The following GRIP1 variants were observed in gnomAD, a reference collection of about 807,000 sequenced individuals.
The protein encoded by GRIP1 is glutamate receptor interacting protein 1.
Under a neutral mutation model 129.9 loss-of-function variants are expected in GRIP1, and 45 were observed. The ratio of observed to expected loss-of-function variants is 0.35; its 90% CI spans 0.27 to 0.44. The LOEUF (loss-of-function observed/expected upper bound fraction) is 0.44, where lower values mean the gene tolerates loss of function less well. GRIP1 is among the 20% of genes least tolerant of loss of function. The probability of loss-of-function intolerance (pLI) is 1.00; values close to 1 mark genes in which losing one functional copy is unlikely to be tolerated. For synonymous variants in GRIP1, 530 were observed against 520.8 expected (o/e 1.02, Z -0.24); for missense variants, 1,196 against 1,396.8 (o/e 0.86, Z 2.29).
intron 7 of GRIP1, among the ~76,000 whole-genome samples, chr12:66,489,160 T>A (rs1156852564): frequency 1.3e-5 from 2 of 152,054 alleles, no homozygotes; most frequent in Non-Finnish European, 2.9e-5. Flanking sequence ...CCGGCAGGGA[T>A]ACAACAAGAA....
At chr12:66,587,381 C>T (rs1015319890) in intron 2 of GRIP1, among the ~76,000 whole-genome samples, 3 of 152,212 alleles carry the variant, frequency 2.0e-5, no homozygotes, top group African/African-American at 4.8e-5. Flanking sequence ...AGCATGGACC[C>T]CATAACTTTC....
intron 7 of GRIP1, among the ~76,000 whole-genome samples, chr12:66,486,599 C>T (rs2138624142): frequency 6.6e-6 from 1 of 152,198 alleles, no homozygotes; most frequent in East Asian, 1.9e-4. Context: ...TCTCTCTTTG[C>T]CTGTTGCCAT....
At chr12:66,423,643 G>A (rs1437714719) in intron 14 of GRIP1, among the ~76,000 whole-genome samples, 2 of 152,186 alleles carry the variant, frequency 1.3e-5, no homozygotes, top group African/African-American at 2.4e-5. Flanking sequence ...TCTGGGCACT[G>A]GCTATGAACC....
intron 19 of GRIP1, among the ~76,000 whole-genome samples, chr12:66,384,945 G>C (rs572227328): frequency 1.3e-5 from 2 of 152,330 alleles, no homozygotes; most frequent in African/African-American, 2.4e-5. Flanking sequence ...AATATCTGAG[G>C]AAAATTATGT....
chr12:66,767,456 T>A (rs1462262123), intron 1 of GRIP1, among the ~76,000 whole-genome samples: 1 of 152,066 alleles, frequency 6.6e-6, no homozygotes, highest in South Asian at 2.1e-4. Context: ...AACTGAAAGG[T>A]CTGAGACAGG....
chr12:66,909,989 A>G (rs959656311), intron 1 of GRIP1, among the ~76,000 whole-genome samples: 2 of 152,202 alleles, frequency 1.3e-5, no homozygotes, highest in East Asian at 1.9e-4. Context: ...ATTATAATCA[A>G]TCACAATACT....
At chr12:66,468,532 A>G (rs2059348721) in intron 7 of GRIP1, among the ~76,000 whole-genome samples, 2 of 152,298 alleles carry the variant, frequency 1.3e-5, no homozygotes, top group South Asian at 2.1e-4. Context: ...GCAGATGTAA[A>G]TTTTATAAAA....
intron 23 of GRIP1, among the ~76,000 whole-genome samples, chr12:66,363,360 C>T (rs1036384527): frequency 6.7e-6 from 1 of 149,458 alleles, no homozygotes; most frequent in Non-Finnish European, 1.5e-5. Context: ...CTTCCCACCT[C>T]AGCCTCCTTA....
intron 15 of GRIP1, among the ~76,000 whole-genome samples, chr12:66,418,146 G>A (rs2057675807): frequency 6.6e-6 from 1 of 152,010 alleles, no homozygotes; most frequent in African/African-American, 2.4e-5. Context: ...TGCCTACAGT[G>A]AACTCATTTT....
chr12:66,777,450 G>GC (rs1274203211), intron 1 of GRIP1, among the ~76,000 whole-genome samples: 7 of 152,018 alleles, frequency 4.6e-5, no homozygotes, highest in Non-Finnish European at 8.8e-5. Context: ...GATGGAAACT[G>GC]CCCCCCAACA....
chr12:66,626,926 A>G (rs1258073229), intron 1 of GRIP1: 1 of 152,226 alleles, frequency 6.6e-6, no homozygotes, highest in African/African-American at 2.4e-5. Flanking sequence ...GCATGGTCCA[A>G]GTAATTCATT....
At chr12:66,492,479 A>G (rs1482038516) in intron 7 of GRIP1, among the ~76,000 whole-genome samples, 2 of 152,204 alleles carry the variant, frequency 1.3e-5, no homozygotes, top group East Asian at 3.8e-4. Context: ...AAGCCTGACC[A>G]GGGAATCAAG....
At chr12:66,693,942 C>T (rs1220990813) in intron 1 of GRIP1, among the ~76,000 whole-genome samples, 1 of 152,178 alleles carries the variant, frequency 6.6e-6, no homozygotes, top group African/African-American at 2.4e-5. Context: ...AAACACCACA[C>T]CAACTTGCTA....
intron 1 of GRIP1, among the ~76,000 whole-genome samples, chr12:66,666,247 A>G (rs2033788716): frequency 1.3e-5 from 2 of 152,178 alleles, no homozygotes; most frequent in African/African-American, 2.4e-5. Context: ...ATCAAATACT[A>G]TGATGGAATC....
intron 1 of GRIP1, among the ~76,000 whole-genome samples, chr12:66,911,547 G>A (rs181330237): frequency 2.3e-4 from 35 of 152,252 alleles, no homozygotes; most frequent in Admixed American, 2.2e-3. Context: ...TTGGGAGAGA[G>A]AAGGTTTGAA....
chr12:66,765,877 G>C (rs947424261), intron 1 of GRIP1, among the ~76,000 whole-genome samples: 3 of 152,220 alleles, frequency 2.0e-5, no homozygotes, highest in African/African-American at 4.8e-5. Flanking sequence ...ACAGGAAGAA[G>C]ATGGGAGGAG....
At chr12:66,541,729 T>C in intron 3 of GRIP1, 86 bp downstream of exon 3, 1 of 1,366,482 alleles carries the variant, frequency 7.3e-7, no homozygotes, top group Non-Finnish European at 1.0e-6. Context: ...CATTTATTTA[T>C]TAGTGACCAC....
intron 1 of GRIP1, among the ~76,000 whole-genome samples, chr12:66,710,205 A>G (rs2035669187): frequency 6.6e-6 from 1 of 151,982 alleles, no homozygotes; most frequent in African/African-American, 2.4e-5. Flanking sequence ...GTGTTTTTAA[A>G]AGTAGAAGAG....
intron 1 of GRIP1, among the ~76,000 whole-genome samples, chr12:67,057,435 G>GT (rs1491275240): frequency 1.2e-5 from 1 of 80,524 alleles, no homozygotes; most frequent in Non-Finnish European, 2.6e-5. Context: ...CTCCAAGAAC[G>GT]TAAAAAAAAA....
Sources: gnomAD v4.1 joint callset for allele counts (sites outside exome capture counted in the v4.1 genomes callset) on GRCh38, gnomAD v4.1.1 for gene constraint, MANE v1.5 for transcripts, NCBI Gene and HGNC (gene_info 2026-07-23, HGNC 2026-07-21) for gene names.